Variants in SGCE observed in about 807,000 individuals in gnomAD.
The protein encoded by SGCE is sarcoglycan epsilon.
In SGCE, 26 loss-of-function variants were observed where a neutral mutation model predicts 57.8. That is an observed-to-expected ratio of 0.45 (90% CI 0.33 to 0.62). The LOEUF (loss-of-function observed/expected upper bound fraction) is 0.62, where lower values mean the gene tolerates loss of function less well. Ranked by LOEUF, SGCE falls within the 20% of genes least tolerant of loss-of-function variation. The pLI is 0.02. For synonymous variants in SGCE, 183 were observed against 189.5 expected, an observed-to-expected ratio of 0.97 and a Z score of 0.28; for missense variants, 468 against 548.6, an observed-to-expected ratio of 0.85 and a Z score of 1.47.
At chr7:94,615,419 TAGATAAAG>T (rs1167402755) in intron 5 of SGCE, among the ~76,000 whole-genome samples, 2 of 121,610 alleles carry the variant, frequency 1.6e-5, no homozygotes, top group Non-Finnish European at 3.7e-5. Flanking sequence ...GATAGATAGA[TAGATAAAG>T]GGCAATTCTG....
intron 1 of SGCE, among the ~76,000 whole-genome samples, chr7:94,638,639 CA>C (rs5885874): frequency 0.17 from 19,486 of 114,824 alleles, 3,889 homozygotes; most frequent in African/African-American, 0.48. Flanking sequence ...ATCATAAAGC[CA>C]AAAAAAAAAA....
At position 94,648,673 on chromosome 7, in the gene SGCE, A is replaced by T. The variant is rs566169212; in HGVS notation, c.109+7317T>A. On this transcript the variant is annotated intron_variant, in intron 1 of 10. Transcript: ENST00000648936. ...ACTACAGAAAATGAAAGATGTTAAAAGTGCTACACTGATTAACTATTTCAT... is the reference window on the plus strand; with the variant it reads ...ACTACAGAAAATGAAAGATGTTAAATGTGCTACACTGATTAACTATTTCAT... Among the ~76,000 whole-genome samples, 76 of 152,352 alleles carry T rather than the reference A, an allele frequency of 5.0e-4. 1 individual carries two copies. In the South Asian group the frequency reaches 0.014, roughly 28 times the overall value.
chr7:94,599,046 T>C (rs1798831398), intron 8 of SGCE, 83 bp from the exon 9 acceptor site: 2 of 992,446 alleles, frequency 2.0e-6, no homozygotes, highest in Non-Finnish European at 3.0e-6. Context: ...ACTTATGAAG[T>C]ATTTTTATCT....
chr7:94,655,109 G>T (rs941293492), intron 1 of SGCE, among the ~76,000 whole-genome samples: 1 of 152,248 alleles, frequency 6.6e-6, no homozygotes, highest in African/African-American at 2.4e-5. Context: ...CGCTGGAAAG[G>T]ATTAAACGTG....
chr7:94,646,475 G>A (rs1807089649), intron 1 of SGCE, among the ~76,000 whole-genome samples: 1 of 152,178 alleles, frequency 6.6e-6, no homozygotes, highest in Admixed American at 6.5e-5. Context: ...TATCTCAGAT[G>A]AAACAGGAAC....
intron 2 of SGCE, 59 bp downstream of exon 2, chr7:94,629,660 G>A (rs2116971469): frequency 4.0e-6 from 6 of 1,517,606 alleles, no homozygotes; most frequent in Non-Finnish European, 5.5e-6. Context: ...TCTATATTAT[G>A]CAAATTAAAC....
In SGCE at chr7:94,656,101, T is replaced by C; in HGVS notation, c.-3A>G. On this transcript the variant is annotated 5_prime_UTR_variant, in exon 1 of 11. Coordinates refer to ENST00000648936, the MANE Select transcript of SGCE (RefSeq NM_003919.3). ...TCCCACCACCGGGGCAATTGCATTC[T>C]TGGCCTGGCTAGGCCGTCCGTCCTC... The C allele has an allele frequency of 6.3e-7, 1 of 1,585,186 alleles. No individual in the cohort carries two copies. Among genetic ancestry groups the C allele is most frequent in the Non-Finnish European group, 8.7e-7 (1 of 1,153,746 alleles).
At chr7:94,596,798 C>T (rs1798464460) in intron 9 of SGCE, among the ~76,000 whole-genome samples, 1 of 151,970 alleles carries the variant, frequency 6.6e-6, no homozygotes, top group Non-Finnish European at 1.5e-5. Flanking sequence ...TGCAGTGTTG[C>T]TACTACTTTT....
intron 1 of SGCE, chr7:94,639,468 T>G: frequency 7.1e-7 from 1 of 1,407,384 alleles, no homozygotes; most frequent in Non-Finnish European, 9.6e-7. Context: ...ATAAAACAAA[T>G]GTACAAAAAA....
At chr7:94,586,077 A>C (rs987421565) in intron 10 of SGCE, among the ~76,000 whole-genome samples, 11 of 150,456 alleles carry the variant, frequency 7.3e-5, no homozygotes, top group Middle Eastern at 3.5e-3. Flanking sequence ...AAAAAAAAAA[A>C]AAAAAAAAAA....
chr7:94,654,172 T>C, intron 1 of SGCE, among the ~76,000 whole-genome samples: 1 of 152,150 alleles, frequency 6.6e-6, no homozygotes. Context: ...TTTTGTACAA[T>C]GACCTGAAAT....
intron 9 of SGCE, among the ~76,000 whole-genome samples, chr7:94,593,097 GTTGTCATTGT>G (rs1797924659): frequency 6.6e-6 from 1 of 151,994 alleles, no homozygotes; most frequent in Admixed American, 6.6e-5. Flanking sequence ...CATAAAGTTA[GTTGTCATTGT>G]GACCAAAAGC....
chr7:94,588,593 G>A lies in SGCE; in HGVS notation c.1297+96C>T, dbSNP rs1032907314. On this transcript the variant is annotated intron_variant, in intron 10 of 10. Transcript: ENST00000648936. The stretch of plus-strand genomic sequence containing the variant: ...TGACACAAGTGTTTTGCCTTATTTG[G>A]TGAAGATAAAGCTTCATAAATTATA... 1.0e-4 allele frequency: 160 copies of A among 1,553,304 alleles called. 5 individuals carry two copies. The South Asian group carries it at 1.8e-3, about 17-fold the overall frequency.
intron 2 of SGCE, chr7:94,629,381 A>T: frequency 4.4e-6 from 1 of 229,722 alleles, no homozygotes; most frequent in South Asian, 5.9e-5. Flanking sequence ...GTTTTCCAAA[A>T]ATCAATGTAC....
intron 6 of SGCE, among the ~76,000 whole-genome samples, chr7:94,602,670 A>C (rs1799456180): frequency 6.6e-6 from 1 of 152,114 alleles, no homozygotes. Flanking sequence ...ATAATATAAA[A>C]TATGCAAACA....
intron 10 of SGCE, 34 bp from the exon 11 acceptor site, chr7:94,585,549 TA>T (rs1796778132): frequency 6.8e-7 from 1 of 1,468,412 alleles, no homozygotes; most frequent in African/African-American, 1.4e-5. Context: ...GGGCAGGAGT[TA>T]GTCAGGGCAT....
At chr7:94,651,729 TA>T (rs1807896505) in intron 1 of SGCE, among the ~76,000 whole-genome samples, 1 of 152,226 alleles carries the variant, frequency 6.6e-6, no homozygotes, top group Admixed American at 6.5e-5. Flanking sequence ...ATTTGTTTTT[TA>T]CTTAATACTG....
At chr7:94,634,749 C>T (rs751660350) in intron 1 of SGCE, among the ~76,000 whole-genome samples, 19 of 152,150 alleles carry the variant, frequency 1.2e-4, no homozygotes, top group Admixed American at 2.0e-4. Context: ...TCTTAGTTGA[C>T]GCAGTACACT....
At chr7:94,597,243 A>G (rs1280753163) in intron 9 of SGCE, 1 of 152,042 alleles carries the variant, frequency 6.6e-6, no homozygotes, top group Non-Finnish European at 1.5e-5. Context: ...ATTACCCACT[A>G]CCCATTACTT....
Sources: gnomAD v4.1 joint callset for allele counts (sites outside exome capture counted in the v4.1 genomes callset) on GRCh38, gnomAD v4.1.1 for gene constraint, MANE v1.5 for transcripts, NCBI Gene and HGNC (gene_info 2026-07-23, HGNC 2026-07-21) for gene names.